The following NRXN1 variants were observed in gnomAD, a reference collection of about 807,000 sequenced individuals.
NRXN1 encodes the protein neurexin-1.
NRXN1 carries 39 observed loss-of-function variants against 150.9 expected under a neutral mutation model. The ratio of observed to expected loss-of-function variants is 0.26; its 90% CI spans 0.20 to 0.34. NRXN1 has a LOEUF of 0.34. NRXN1 is among the 10% of genes least tolerant of loss of function. NRXN1 has a pLI of 1.00. For missense variants in NRXN1, 1,815 were observed against 1,949.9 expected, an observed-to-expected ratio of 0.93 and a Z score of 1.30; for synonymous variants, 924 against 757.0, an observed-to-expected ratio of 1.22 and a Z score of -3.62.
chr2:50,314,326 G>T (rs914056721), intron 17 of NRXN1, among the ~76,000 whole-genome samples: 2 of 151,958 alleles, frequency 1.3e-5, no homozygotes, highest in Admixed American at 6.6e-5. Context: ...AGAGAGTCCT[G>T]CCACTTTAAA....
intron 5 of NRXN1, among the ~76,000 whole-genome samples, chr2:50,777,808 G>C (rs1703848148): frequency 6.6e-6 from 1 of 152,112 alleles, no homozygotes; most frequent in Non-Finnish European, 1.5e-5. Flanking sequence ...ATTAGGCCTT[G>C]GGCAAATCAA....
chr2:50,499,607 A>C (rs2091835924), intron 13 of NRXN1, among the ~76,000 whole-genome samples: 1 of 152,164 alleles, frequency 6.6e-6, no homozygotes. Flanking sequence ...CTCTAAAGAC[A>C]CCAGCAACAT....
At chr2:50,299,593 A>C (rs1245409811) in intron 17 of NRXN1, among the ~76,000 whole-genome samples, 1 of 152,186 alleles carries the variant, frequency 6.6e-6, no homozygotes, top group Non-Finnish European at 1.5e-5. Flanking sequence ...AAGGAAATAA[A>C]TCATATTAAG....
chr2:50,013,617 C>T (rs1686076017), intron 21 of NRXN1, among the ~76,000 whole-genome samples: 1 of 152,100 alleles, frequency 6.6e-6, no homozygotes. Context: ...TAATTTACAA[C>T]ATCTATTACA....
intron 5 of NRXN1, among the ~76,000 whole-genome samples, chr2:50,695,734 T>C (rs1016910911): frequency 3.9e-5 from 6 of 152,118 alleles, no homozygotes; most frequent in African/African-American, 1.4e-4. Context: ...AGATAAATGG[T>C]TAGATATCGC....
At chr2:49,924,527 A>C (rs980868810) in intron 22 of NRXN1, among the ~76,000 whole-genome samples, 59 of 152,220 alleles carry the variant, frequency 3.9e-4, no homozygotes, top group Admixed American at 3.6e-3. Context: ...TAGCATGATA[A>C]CAGCAACTTT....
chr2:50,604,473 C>A (rs1259675258), intron 8 of NRXN1, among the ~76,000 whole-genome samples: 1 of 152,092 alleles, frequency 6.6e-6, no homozygotes, highest in Non-Finnish European at 1.5e-5. Flanking sequence ...AACTTTTATC[C>A]AGCACAATTA....
At chr2:50,018,734 A>C (rs1687032407) in intron 21 of NRXN1, among the ~76,000 whole-genome samples, 1 of 152,214 alleles carries the variant, frequency 6.6e-6, no homozygotes, top group South Asian at 2.1e-4. Flanking sequence ...ATCTTTCCTG[A>C]GCAATCTTGG....
At chr2:50,740,490 C>A (rs1423346132) in intron 5 of NRXN1, among the ~76,000 whole-genome samples, 1 of 152,050 alleles carries the variant, frequency 6.6e-6, no homozygotes, top group Non-Finnish European at 1.5e-5. Flanking sequence ...TCTAAAGAAC[C>A]TGGAGTTGTC....
At chr2:50,380,570 GT>G (rs1051800112) in intron 17 of NRXN1, among the ~76,000 whole-genome samples, 11 of 152,042 alleles carry the variant, frequency 7.2e-5, no homozygotes, top group African/African-American at 2.7e-4. Flanking sequence ...CTGAGCCTCT[GT>G]TTTCTCATCC....
chr2:50,524,979 T>G (rs1261250989), intron 12 of NRXN1, among the ~76,000 whole-genome samples: 1 of 152,154 alleles, frequency 6.6e-6, no homozygotes, highest in Admixed American at 6.5e-5. Context: ...GAGATTGACA[T>G]TAGGCTATGT....
At chr2:50,326,794 G>C (rs1005289423) in intron 17 of NRXN1, among the ~76,000 whole-genome samples, 89 of 152,178 alleles carry the variant, frequency 5.8e-4, no homozygotes, top group African/African-American at 2.0e-3. Context: ...TTTGCTAAGG[G>C]ACTTCAGCTA....
chr2:50,826,659 G>C (rs1213359750), intron 5 of NRXN1, among the ~76,000 whole-genome samples: 1 of 152,102 alleles, frequency 6.6e-6, no homozygotes, highest in Non-Finnish European at 1.5e-5. Context: ...GGTGTATTTC[G>C]CTTGAACAAC....
rs1334040648 is a variant in NRXN1 at position 50,621,331 on chromosome 2, A to G, written c.1135-82T>C. 5.7e-6 allele frequency: 6 copies of G among 1,048,868 alleles called. No individual in the cohort carries two copies. The Admixed American group carries it at 1.1e-4, about 19-fold the overall frequency. 65.0% of individuals were successfully genotyped at this position (1,048,868 alleles called of 1,614,324 possible). On this transcript the variant is annotated intron_variant, in intron 6 of 22. Transcript: ENST00000401669. ...TTACTTAAAAAATATGATGGTCTCT[A>G]CCATGTTAGTACATTTTTTGATTCA...
At chr2:50,115,225 AT>A (rs1041002518) in intron 18 of NRXN1, among the ~76,000 whole-genome samples, 1 of 144,584 alleles carries the variant, frequency 6.9e-6, no homozygotes, top group African/African-American at 2.6e-5. Flanking sequence ...GTGTATATAT[AT>A]ATATATATAT....
chr2:50,995,395 G>C (rs116417766), intron 2 of NRXN1, among the ~76,000 whole-genome samples: 8,702 of 151,984 alleles, frequency 0.057, 465 homozygotes, highest in Admixed American at 0.16. Flanking sequence ...TCAGGAGTTT[G>C]AGACCAGCCT....
intron 5 of NRXN1, among the ~76,000 whole-genome samples, chr2:50,810,020 C>T (rs534797010): frequency 2.6e-5 from 4 of 152,214 alleles, no homozygotes; most frequent in South Asian, 2.1e-4. Context: ...AATATAGTCA[C>T]GTTCAAATAA....
At chr2:50,200,742 T>G (rs2062100493) in intron 18 of NRXN1, among the ~76,000 whole-genome samples, 1 of 152,206 alleles carries the variant, frequency 6.6e-6, no homozygotes, top group South Asian at 2.1e-4. Context: ...AATGAAATTT[T>G]AGTGCACTGA....
chr2:50,726,636 TTTGCC>T (rs1224125037), intron 5 of NRXN1, among the ~76,000 whole-genome samples: 2 of 152,144 alleles, frequency 1.3e-5, no homozygotes, highest in East Asian at 3.9e-4. Flanking sequence ...GGCAAAACAA[TTTGCC>T]CAACGTTACA....
Sources: allele counts gnomAD v4.1 joint callset (sites outside exome capture counted in the v4.1 genomes callset), GRCh38; gene constraint gnomAD v4.1.1; transcripts MANE v1.5; gene names NCBI Gene and HGNC (gene_info 2026-07-23, HGNC 2026-07-21).